Variants in RTBDN observed in about 807,000 individuals in gnomAD.
RTBDN encodes the protein retbindin.
Under a neutral mutation model 21.9 loss-of-function variants are expected in RTBDN, and 24 were observed. That is an observed-to-expected ratio of 1.10 (90% confidence interval 0.79 to 1.54). RTBDN has a LOEUF of 1.54. Among genes scored for constraint, RTBDN ranks in the 40% most tolerant of loss-of-function variants. The probability of loss-of-function intolerance (pLI) is 0.00; values close to 1 mark genes in which losing one functional copy is unlikely to be tolerated. For synonymous variants in RTBDN, 141 were observed against 125.9 expected (o/e 1.12, Z -0.80); for missense variants, 325 against 315.2 (o/e 1.03, Z -0.23).
chr19:12,826,355 T>A, intron 5 of RTBDN: 1 of 1,256,448 alleles, frequency 8.0e-7, no homozygotes, highest in South Asian at 1.4e-5. Context: ...AGCAGGGACC[T>A]GGGGAGTACC....
In RTBDN at chr19:12,825,709, G is replaced by A. The variant is rs779941098; in HGVS notation, c.687C>T (p.Pro229=). ...SGSGSGSGSG[P] ...CCAACTCAGGGCCACGCGTCCGCTAGGGGCCGCTGCCGCTTCCACTGCCAC... is the reference window on the plus strand; with the variant it reads ...CCAACTCAGGGCCACGCGTCCGCTAAGGGCCGCTGCCGCTTCCACTGCCAC... Residue 229 remains proline, a synonymous_variant, in exon 6 of 6, where the codon CCC becomes CCT. Transcript: ENST00000674343. 5.1e-5 allele frequency: 80 copies of A among 1,568,332 alleles called. No individual in the cohort carries two copies. The South Asian group carries it at 9.3e-4, about 18-fold the overall frequency.
intron 1 of RTBDN, among the ~76,000 whole-genome samples, chr19:12,831,965 T>G (rs921432034): frequency 8.5e-5 from 13 of 152,218 alleles, no homozygotes; most frequent in African/African-American, 3.1e-4. Context: ...TTGTGTGTGT[T>G]TGCATTGGAT....
intron 5 of RTBDN, 41 bp downstream of exon 5, chr19:12,826,734 G>A (rs1409363132): frequency 8.7e-7 from 1 of 1,155,390 alleles, no homozygotes. Context: ...TTGGTGGGGA[G>A]GATCTCAGTC....
At chr19:12,828,526 A>T in intron 4 of RTBDN, 131 bp downstream of exon 4, 1 of 648,758 alleles carries the variant, frequency 1.5e-6, no homozygotes, top group Non-Finnish European at 2.6e-6. Context: ...TCTAAACATT[A>T]AGCTGCATCT....
chr19:12,825,726 C>G lies in RTBDN; in HGVS notation c.670G>C (p.Gly224Arg), dbSNP rs769570211. 4 of 1,586,596 alleles carry G rather than the reference C, an allele frequency of 2.5e-6. No homozygotes were observed. In the South Asian group the frequency reaches 4.6e-5, roughly 18 times the overall value. The stretch of plus-strand genomic sequence containing the variant: ...GTCCGCTAGGGGCCGCTGCCGCTTC[C>G]ACTGCCACTCCCGCTGCCCGCAGCG... ...LDAAGSGSGS[G>R]SGSGP The change falls in exon 6 of 6, where the codon GGA becomes CGA. Residue 224 changes from glycine (G) to arginine (R), a missense_variant. Coordinates refer to ENST00000674343, the MANE Select transcript of RTBDN (RefSeq NM_001270441.2).
chr19:12,829,877 G>C lies in RTBDN; in HGVS notation c.103C>G (p.Gln35Glu). The C allele has an allele frequency of 6.2e-7, 1 of 1,614,188 alleles. No homozygotes were observed. Among genetic ancestry groups the C allele is most frequent in the Non-Finnish European group, 8.5e-7 (1 of 1,180,032 alleles). ...CCATGGTGTTGCTGGGACCTGGCTTGGAGTGGGCGGCTCCCTCCACAGGCT... is the reference window on the plus strand; with the variant it reads ...CCATGGTGTTGCTGGGACCTGGCTTCGAGTGGGCGGCTCCCTCCACAGGCT... The part of the protein sequence containing the change: ...LEACGGSRPL[Q>E]ARSQQHHGLA... The change falls in exon 2 of 6, where the codon CAA (glutamine) becomes GAA (glutamate). Residue 35 changes from glutamine (Q) to glutamate (E), a missense_variant. Physicochemically the swap from Gln to Glu is conservative, Grantham distance 29. Transcript: ENST00000674343.
intron 1 of RTBDN, among the ~76,000 whole-genome samples, chr19:12,831,016 TTGTGTGTGTGTGTGTG>T (rs56204944): frequency 3.0e-5 from 4 of 132,478 alleles, no homozygotes; most frequent in South Asian, 5.5e-4. Context: ...GGTGGAGTGG[TTGTGTGTGTGTGTGTG>T]TGTGTGTGTG....
At chr19:12,833,575 G>C (rs1256808368) in intron 1 of RTBDN, among the ~76,000 whole-genome samples, 1 of 152,150 alleles carries the variant, frequency 6.6e-6, no homozygotes, top group African/African-American at 2.4e-5. Context: ...AATGTAGAGG[G>C]AATGTATCTC....
chr19:12,827,724 C>T (rs1969370976), intron 4 of RTBDN, among the ~76,000 whole-genome samples: 1 of 152,164 alleles, frequency 6.6e-6, no homozygotes, highest in African/African-American at 2.4e-5. Flanking sequence ...CTGCCTTGAC[C>T]TCTCAAACGA....
Position 12,829,801 on chromosome 19 carries a change from GGGTGCTCACCTGCCA to G in RTBDN, c.164_169+9del. The G allele has an allele frequency of 6.2e-7, 1 of 1,605,324 alleles. No homozygotes were observed. Among genetic ancestry groups the G allele is most frequent in the Non-Finnish European group, 8.5e-7 (1 of 1,172,900 alleles). On this transcript the variant is annotated splice_donor_variant and splice_donor_5th_base_variant and coding_sequence_variant and intron_variant, in exon 2 of 6. Transcript: ENST00000674343. LOFTEE classifies it high-confidence loss of function. Reference sequence around the variant, plus strand: ...GGTGTTGGTGGTGAGGCAGGGTCTGGGGTGCTCACCTGCCAGGTGCAGCTTGCCTTTGCCCAGATC... The same window carrying G: ...GGTGTTGGTGGTGAGGCAGGGTCTGGGGTGCAGCTTGCCTTTGCCCAGATC...
In RTBDN at chr19:12,830,838, AGTGT is replaced by A. The variant is rs5827165; in HGVS notation, c.-18-845_-18-842del. Among the ~76,000 whole-genome samples, 49,517 of 146,736 alleles carry A rather than the reference AGTGT, an allele frequency of 0.34. 8,588 individuals are homozygous for A. The highest frequency in any genetic ancestry group is 0.54 in the East Asian group (2,674 of 4,982). Reference sequence around the variant, plus strand: ...AAGCTCTGTATCTATATATGTGGGGAGTGTGTGTGTGTGTGTGTGTGTGTATGTG... The same window carrying A: ...AAGCTCTGTATCTATATATGTGGGGAGTGTGTGTGTGTGTGTGTGTATGTG... On this transcript the variant is annotated intron_variant, in intron 1 of 5. Coordinates refer to ENST00000674343, the MANE Select transcript of RTBDN (RefSeq NM_001270441.2). The surrounding 1 kb of genome is among the most constrained non-coding windows in gnomAD (Gnocchi z 4.2).
At position 12,825,621 on chromosome 19, in the gene RTBDN, G is replaced by T; in HGVS notation, c.*85C>A. 2 of 1,481,322 alleles carry T rather than the reference G, an allele frequency of 1.4e-6. No individual in the cohort carries two copies. Among genetic ancestry groups the T allele is most frequent in the Non-Finnish European group, 1.8e-6 (2 of 1,114,548 alleles). 91.8% of individuals were successfully genotyped at this position (1,481,322 alleles called of 1,614,324 possible). On this transcript the variant is annotated 3_prime_UTR_variant, in exon 6 of 6. Transcript: ENST00000674343. The stretch of plus-strand genomic sequence containing the variant: ...CATCTCAAAACTATTACAGAAGGCC[G>T]AGAGGACGAGGGGTGGGGTTCTGGG...
At position 12,825,542 on chromosome 19, in the gene RTBDN, CT is replaced by C. The variant is rs1245901998; in HGVS notation, c.*163del. On this transcript the variant is annotated 3_prime_UTR_variant, in exon 6 of 6. Coordinates refer to ENST00000674343, the MANE Select transcript of RTBDN (RefSeq NM_001270441.2). Reference sequence around the variant, plus strand: ...GAAAAGTGAGAGAGTTGGGTCATTTCTGGGATAACCTGGAGAGGGGTGGGTC... The same window carrying C: ...GAAAAGTGAGAGAGTTGGGTCATTTCGGGATAACCTGGAGAGGGGTGGGTC... 1 of 1,107,112 alleles carries C rather than the reference CT, an allele frequency of 9.0e-7. No homozygotes were observed. The highest frequency in any genetic ancestry group is 1.2e-6 in the Non-Finnish European group (1 of 814,974). The allele number at this position is 1,107,112 out of a possible 1,614,324, so 68.6% of individuals were successfully genotyped here. A position where few individuals can be genotyped will look rare whatever the true frequency, so the allele number is the denominator to read the frequency against.
rs1008693031 is a variant in RTBDN at position 12,830,171 on chromosome 19, C to T, written c.-18-174G>A. ...CCAGGAGACCATCAGGGCCTGCCTC[C>T]AACCTAGGAGCCCCCCTCCCATCAG... On this transcript the variant is annotated intron_variant, in intron 1 of 5. Transcript: ENST00000674343. This position sits in a 1 kb window ranked among gnomAD's most constrained non-coding sequence, Gnocchi z 4.2. 14 of 1,308,418 alleles carry T rather than the reference C, an allele frequency of 1.1e-5. No homozygotes were observed. The African/African-American group carries it at 2.1e-4, about 19-fold the overall frequency. The allele number at this position is 1,308,418 out of a possible 1,614,324, so 81.1% of individuals were successfully genotyped here.
Position 12,830,853 on chromosome 19 carries a change from G to C in RTBDN, c.-18-856C>G, listed in dbSNP as rs1420701680. 6.6e-6 allele frequency among the ~76,000 whole-genome samples: 1 copy of C among 152,122 alleles called. No homozygotes were observed. Among genetic ancestry groups the C allele is most frequent in the Non-Finnish European group, 1.5e-5 (1 of 68,016 alleles). On this transcript the variant is annotated intron_variant, in intron 1 of 5. Coordinates refer to ENST00000674343, the MANE Select transcript of RTBDN (RefSeq NM_001270441.2). The surrounding 1 kb of genome is among the most constrained non-coding windows in gnomAD (Gnocchi z 4.2). The stretch of plus-strand genomic sequence containing the variant: ...ATATGTGGGGAGTGTGTGTGTGTGT[G>C]TGTGTGTGTATGTGTGTGAGGAAGG...
intron 5 of RTBDN, 44 bp from the exon 6 acceptor site, chr19:12,825,977 GA>G: frequency 2.0e-6 from 3 of 1,506,286 alleles, no homozygotes; most frequent in African/African-American, 1.4e-5. Context: ...GGAGTCCAGA[GA>G]CGTGGGGGGC....
intron 4 of RTBDN, 94 bp from the exon 5 acceptor site, chr19:12,826,965 A>G (rs1156246482): frequency 4.7e-6 from 4 of 853,984 alleles, no homozygotes; most frequent in South Asian, 1.4e-5. Context: ...ATATGCCCCC[A>G]CCTCGGATCC....
In RTBDN at chr19:12,834,573, C is replaced by G; in HGVS notation, c.-103G>C. On this transcript the variant is annotated 5_prime_UTR_variant, in exon 1 of 6. Transcript: ENST00000674343. This position sits in a 1 kb window ranked among gnomAD's most constrained non-coding sequence, Gnocchi z 4.7. The stretch of plus-strand genomic sequence containing the variant: ...CTCACTCTTCATTCCACCTCCTCCA[C>G]TACAACATCCGCCCCCCCACCGCGA... 1 of 1,522,214 alleles carries G rather than the reference C, an allele frequency of 6.6e-7. No individual in the cohort carries two copies. The highest frequency in any genetic ancestry group is 8.8e-7 in the Non-Finnish European group (1 of 1,136,332). 94.3% of individuals were successfully genotyped at this position (1,522,214 alleles called of 1,614,324 possible).
chr19:12,828,525 T>G (rs928790905), intron 4 of RTBDN, 132 bp downstream of exon 4: 1 of 647,428 alleles, frequency 1.5e-6, no homozygotes. Flanking sequence ...CTCTAAACAT[T>G]AAGCTGCATC....
Sources: gnomAD v4.1 joint callset for allele counts (sites outside exome capture counted in the v4.1 genomes callset) on GRCh38, gnomAD v4.1.1 for gene constraint, Gnocchi (gnomAD v3.1) non-coding constraint, MANE v1.5 for transcripts, NCBI Gene and HGNC (gene_info 2026-07-23, HGNC 2026-07-21) for gene names.